CRYL1: variants seen among roughly 807,000 people sequenced by gnomAD.
CRYL1 encodes the protein crystallin lambda 1.
In CRYL1, 29 loss-of-function variants were observed where a neutral mutation model predicts 36.6. The ratio of observed to expected loss-of-function variants is 0.79; its 90% CI spans 0.59 to 1.08. The LOEUF (loss-of-function observed/expected upper bound fraction) is 1.08, where lower values mean the gene tolerates loss of function less well. Among genes scored for constraint, CRYL1 ranks in the 50% least tolerant of loss-of-function variants. The pLI is 0.00. For synonymous variants in CRYL1, 152 were observed against 151.5 expected (o/e 1.00, Z -0.02); for missense variants, 411 against 407.9 (o/e 1.01, Z -0.06).
At chr13:20,437,382 A>G (rs1014892816) in intron 4 of CRYL1, among the ~76,000 whole-genome samples, 4 of 148,692 alleles carry the variant, frequency 2.7e-5, no homozygotes, top group Admixed American at 6.8e-5. Flanking sequence ...ATCTCGGCTC[A>G]CTGCAAGCTC....
intron 3 of CRYL1, among the ~76,000 whole-genome samples, chr13:20,449,982 T>G (rs1203053759): frequency 6.6e-6 from 1 of 152,156 alleles, no homozygotes; most frequent in Non-Finnish European, 1.5e-5. Flanking sequence ...TGCTTATGGA[T>G]TGGAAGAATT....
In CRYL1 at chr13:20,425,219, GCTTC is replaced by G. The variant is rs1193307000; in HGVS notation, c.633+6879_633+6882del. On this transcript the variant is annotated intron_variant, in intron 5 of 7. Transcript: ENST00000298248. This position sits in a 1 kb window ranked among gnomAD's most constrained non-coding sequence, Gnocchi z 4.4. ...TCCTGTTGGCGGTGGCTCCGCACAG[GCTTC>G]CTCTTGTCAAGCTCTGCTGCTTCCA... Among the ~76,000 whole-genome samples the G allele has an allele frequency of 2.6e-5, 4 of 152,210 alleles. No individual in the cohort carries two copies. Among genetic ancestry groups the G allele is most frequent in the Non-Finnish European group, 5.9e-5 (4 of 68,042 alleles).
chr13:20,429,803 A>G (rs1344214813), intron 5 of CRYL1, among the ~76,000 whole-genome samples: 1 of 152,152 alleles, frequency 6.6e-6, no homozygotes, highest in East Asian at 1.9e-4. Flanking sequence ...GCCCTGAACC[A>G]AGTCACCTGG....
chr13:20,452,573 A>G (rs1409924997), intron 3 of CRYL1, among the ~76,000 whole-genome samples: 2 of 152,212 alleles, frequency 1.3e-5, no homozygotes, highest in East Asian at 3.8e-4. Context: ...CAAGAAGCAG[A>G]GTACAGAGGA....
chr13:20,471,649 A>G (rs1045859998), intron 3 of CRYL1, among the ~76,000 whole-genome samples: 6 of 152,032 alleles, frequency 3.9e-5, no homozygotes, highest in Non-Finnish European at 7.4e-5. Flanking sequence ...ATTGATGCTA[A>G]TGGTTACATT....
intron 2 of CRYL1, among the ~76,000 whole-genome samples, chr13:20,492,043 C>T (rs1341920630): frequency 6.6e-6 from 1 of 152,152 alleles, no homozygotes; most frequent in Non-Finnish European, 1.5e-5. Flanking sequence ...AAAGGTTCCT[C>T]TATTAAGGTA....
intron 6 of CRYL1, among the ~76,000 whole-genome samples, chr13:20,410,810 G>A (rs913683745): frequency 3.9e-5 from 6 of 152,128 alleles, no homozygotes; most frequent in Non-Finnish European, 8.8e-5. Flanking sequence ...TCACAGATGG[G>A]GAAACTGAGA....
chr13:20,523,763 G>C (rs1287732214), intron 1 of CRYL1, among the ~76,000 whole-genome samples: 1 of 152,038 alleles, frequency 6.6e-6, no homozygotes, highest in Non-Finnish European at 1.5e-5. Flanking sequence ...ACAAGCAGAG[G>C]CCCCAGAGAA....
intron 5 of CRYL1, among the ~76,000 whole-genome samples, chr13:20,416,672 C>G (rs2031674876): frequency 6.6e-6 from 1 of 152,210 alleles, no homozygotes; most frequent in Non-Finnish European, 1.5e-5. Flanking sequence ...TGTTATTTGG[C>G]TTGGCTCTTT....
At position 20,413,278 on chromosome 13, in the gene CRYL1, A is replaced by T. The variant is rs752923028; in HGVS notation, c.739+4T>A. Reference sequence around the variant, plus strand: ...GAATTCCCATCCTGGCCCCAGATGCATACCTTCTGCATTGAGATGCATGGT... The same window carrying T: ...GAATTCCCATCCTGGCCCCAGATGCTTACCTTCTGCATTGAGATGCATGGT... On this transcript the variant is annotated splice_donor_region_variant and intron_variant, in intron 6 of 7. Coordinates refer to ENST00000298248, the MANE Select transcript of CRYL1 (RefSeq NM_015974.3). 8.8e-6 allele frequency: 14 copies of T among 1,589,928 alleles called. 1 individual carries two copies. The South Asian group carries it at 1.3e-4, about 15-fold the overall frequency.
intron 4 of CRYL1, among the ~76,000 whole-genome samples, chr13:20,436,291 C>G (rs990196298): frequency 1.3e-5 from 2 of 152,158 alleles, no homozygotes; most frequent in East Asian, 3.9e-4. Flanking sequence ...CCTTCCCAGA[C>G]TGAACTAAGG....
At chr13:20,413,611 G>A (rs2031579625) in intron 5 of CRYL1, among the ~76,000 whole-genome samples, 1 of 152,196 alleles carries the variant, frequency 6.6e-6, no homozygotes, top group African/African-American at 2.4e-5. Context: ...ATATTTTGGG[G>A]ATGGGAGCTG....
chr13:20,499,600 C>T (rs911344470), intron 2 of CRYL1, among the ~76,000 whole-genome samples: 12 of 151,822 alleles, frequency 7.9e-5, no homozygotes, highest in Admixed American at 2.6e-4. Flanking sequence ...TGCAGTGAGC[C>T]GAGATCATGC....
intron 6 of CRYL1, among the ~76,000 whole-genome samples, chr13:20,410,877 G>A (rs1412845708): frequency 6.6e-6 from 1 of 152,230 alleles, no homozygotes; most frequent in Non-Finnish European, 1.5e-5. Context: ...TGGAAAGCCA[G>A]GGTAAGGAGC....
At chr13:20,506,814 G>A (rs527928355) in intron 2 of CRYL1, among the ~76,000 whole-genome samples, 1 of 152,214 alleles carries the variant, frequency 6.6e-6, no homozygotes, top group South Asian at 2.1e-4. Context: ...GCCAAATCTG[G>A]CCCATCTCCT....
chr13:20,461,166 T>C (rs759515407), intron 3 of CRYL1, among the ~76,000 whole-genome samples: 33 of 152,376 alleles, frequency 2.2e-4, no homozygotes, highest in Non-Finnish European at 3.7e-4. Context: ...ATTTTGCCCA[T>C]TTTTCTACTG....
chr13:20,483,456 A>G (rs964821664), intron 3 of CRYL1, among the ~76,000 whole-genome samples: 4 of 151,940 alleles, frequency 2.6e-5, no homozygotes, highest in African/African-American at 9.7e-5. Flanking sequence ...CATATCATCA[A>G]CATGAAGTCA....
chr13:20,486,296 C>T (rs12429738), intron 3 of CRYL1, among the ~76,000 whole-genome samples: 2,786 of 152,284 alleles, frequency 0.018, 151 homozygotes, highest in Admixed American at 0.11. Context: ...GTGTATTACT[C>T]AATTCACCTA....
rs114211051 is a variant in CRYL1 at position 20,514,412 on chromosome 13, T to C, written c.42-1862A>G. On this transcript the variant is annotated intron_variant, in intron 1 of 7. Transcript: ENST00000298248. ...CATGAGAAGAACATCGGACAAATCC[T>C]AACGGAGGGACATTCTACAAACTAC... 3.7e-3 allele frequency among the ~76,000 whole-genome samples: 569 copies of C among 152,326 alleles called. 2 individuals carry two copies. Among genetic ancestry groups the C allele is most frequent in the African/African-American group, 0.013 (544 of 41,572 alleles).
Sources: gnomAD v4.1 joint callset for allele counts (sites outside exome capture counted in the v4.1 genomes callset) on GRCh38, gnomAD v4.1.1 for gene constraint, Gnocchi (gnomAD v3.1) non-coding constraint, MANE v1.5 for transcripts, NCBI Gene and HGNC (gene_info 2026-07-23, HGNC 2026-07-21) for gene names.